Variants in ANKS1B observed in about 807,000 individuals in gnomAD.
ANKS1B encodes ankyrin repeat and sterile alpha motif domain containing 1B.
A neutral mutation model predicts 148.3 loss-of-function variants in ANKS1B; 36 were observed. The observed-to-expected ratio is 0.24, with a 90% CI of 0.19 to 0.32. ANKS1B has a LOEUF of 0.32. ANKS1B is among the 10% of genes least tolerant of loss of function. ANKS1B has a pLI of 1.00. For synonymous variants in ANKS1B, 542 were observed against 560.8 expected (o/e 0.97, Z 0.47); for missense variants, 1,157 against 1,542.6 (o/e 0.75, Z 4.19).
At chr12:99,294,863 G>A (rs890823213) in intron 12 of ANKS1B, among the ~76,000 whole-genome samples, 3 of 152,106 alleles carry the variant, frequency 2.0e-5, no homozygotes, top group African/African-American at 7.2e-5. Context: ...TTGTTGGTCA[G>A]GCTGGTCTCA....
intron 26 of ANKS1B, among the ~76,000 whole-genome samples, chr12:98,748,923 A>T (rs2097984791): frequency 6.6e-6 from 1 of 152,172 alleles, no homozygotes; most frequent in Non-Finnish European, 1.5e-5. Flanking sequence ...TCTAAGAGAT[A>T]ATCTCTAAAA....
chr12:99,929,467 AGT>A (rs1271594418), intron 1 of ANKS1B, among the ~76,000 whole-genome samples: 7 of 152,108 alleles, frequency 4.6e-5, no homozygotes, highest in Admixed American at 3.3e-4. Flanking sequence ...CTCTGATGGT[AGT>A]TTCTTTTGCT....
At chr12:99,542,069 G>A (rs1014102319) in intron 9 of ANKS1B, among the ~76,000 whole-genome samples, 1 of 152,090 alleles carries the variant, frequency 6.6e-6, no homozygotes, top group Non-Finnish European at 1.5e-5. Context: ...TCTAGTCAGG[G>A]CAATAGATAG....
At chr12:98,978,230 T>A (rs2153225275) in intron 17 of ANKS1B, among the ~76,000 whole-genome samples, 1 of 152,290 alleles carries the variant, frequency 6.6e-6, no homozygotes, top group African/African-American at 2.4e-5. Flanking sequence ...TTTATTCTTG[T>A]TTTTTTCCCT....
rs541005305 is a variant in ANKS1B, at chr12:99,850,759, T to C, written c.135-25370A>G. On this transcript the variant is annotated intron_variant, in intron 1 of 26. Transcript: ENST00000683438. ...ATGTTAATGTCAAGTTTAAGAGTGA[T>C]AGTATTTTGCTTTTGACAAAGACAT... Among the ~76,000 whole-genome samples, 17 of 152,232 alleles carry C rather than the reference T, an allele frequency of 1.1e-4. No individual in the cohort carries two copies. In the South Asian group the frequency reaches 2.5e-3, roughly 22 times the overall value.
intron 15 of ANKS1B, among the ~76,000 whole-genome samples, chr12:99,105,769 A>T (rs2059054876): frequency 3.2e-5 from 1 of 31,098 alleles, no homozygotes; most frequent in African/African-American, 6.5e-5. Context: ...ACTCTGTCTC[A>T]AAAAAAAAAA....
intron 9 of ANKS1B, among the ~76,000 whole-genome samples, chr12:99,629,714 T>C (rs951965696): frequency 6.6e-6 from 1 of 152,170 alleles, no homozygotes; most frequent in African/African-American, 2.4e-5. Context: ...GGATAACTTA[T>C]TAAAAAGGTA....
chr12:99,204,067 A>G (rs970630895), intron 14 of ANKS1B, among the ~76,000 whole-genome samples: 2 of 102,970 alleles, frequency 1.9e-5, no homozygotes, highest in Non-Finnish European at 4.9e-5. Context: ...ACATAAATCT[A>G]TTTCTGTTAG....
intron 14 of ANKS1B, among the ~76,000 whole-genome samples, chr12:99,202,446 G>T (rs1379576388): frequency 6.6e-6 from 1 of 152,174 alleles, no homozygotes; most frequent in Non-Finnish European, 1.5e-5. Context: ...AAGTATATGT[G>T]GCTGAAATGA....
chr12:99,915,703 G>T (rs1419094493), intron 1 of ANKS1B, among the ~76,000 whole-genome samples: 1 of 152,146 alleles, frequency 6.6e-6, no homozygotes, highest in Non-Finnish European at 1.5e-5. Context: ...AAAAGAGATG[G>T]GTAATGTATT....
At chr12:99,253,549 G>A (rs2074902983) in intron 12 of ANKS1B, among the ~76,000 whole-genome samples, 3 of 151,680 alleles carry the variant, frequency 2.0e-5, no homozygotes, top group Admixed American at 2.0e-4. Flanking sequence ...TTAAACGTGG[G>A]AAACAAAAAA....
chr12:99,838,296 G>C (rs925938001), intron 1 of ANKS1B, among the ~76,000 whole-genome samples: 4 of 152,046 alleles, frequency 2.6e-5, no homozygotes, highest in African/African-American at 9.7e-5. Flanking sequence ...CCCAGTCGTG[G>C]GATTCCTGGA....
chr12:99,073,770 T>C (rs1377458058), intron 16 of ANKS1B, among the ~76,000 whole-genome samples: 2 of 152,152 alleles, frequency 1.3e-5, no homozygotes, highest in African/African-American at 4.8e-5. Flanking sequence ...AGTCAATTGG[T>C]TCTTTCATTT....
intron 14 of ANKS1B, among the ~76,000 whole-genome samples, chr12:99,218,316 C>G (rs1376362398): frequency 6.6e-6 from 1 of 151,976 alleles, no homozygotes; most frequent in Non-Finnish European, 1.5e-5. Flanking sequence ...TTTTAATTTC[C>G]CTAGGTGTCT....
At chr12:99,431,499 C>A (rs1341551177) in intron 11 of ANKS1B, among the ~76,000 whole-genome samples, 1 of 152,182 alleles carries the variant, frequency 6.6e-6, no homozygotes, top group African/African-American at 2.4e-5. Context: ...TTGTGCATCA[C>A]TAGTTGTGAA....
intron 12 of ANKS1B, among the ~76,000 whole-genome samples, chr12:99,390,132 T>C (rs2094008056): frequency 2.0e-5 from 3 of 152,332 alleles, no homozygotes; most frequent in South Asian, 2.1e-4. Flanking sequence ...AATAAAAAAG[T>C]AATAATACCC....
intron 1 of ANKS1B, among the ~76,000 whole-genome samples, chr12:99,911,212 C>T (rs555201958): frequency 6.6e-6 from 1 of 152,228 alleles, no homozygotes; most frequent in African/African-American, 2.4e-5. Context: ...TCTGTAAGGG[C>T]AATTGAGTCT....
chr12:99,850,289 CTCTCTCTCTCTCT>C (rs2087542584), intron 1 of ANKS1B, among the ~76,000 whole-genome samples: 2 of 150,476 alleles, frequency 1.3e-5, no homozygotes, highest in Admixed American at 6.6e-5. Context: ...AAGTCTCTCT[CTCTCTCTCTCTCT>C]CTCTCTCTCT....
chr12:99,298,623 T>C (rs61940247), intron 12 of ANKS1B, among the ~76,000 whole-genome samples: 2 of 152,182 alleles, frequency 1.3e-5, no homozygotes, highest in Admixed American at 1.3e-4. Context: ...TTTGTATCAA[T>C]CCTATGAGGT....
Sources: allele counts gnomAD v4.1 joint callset (sites outside exome capture counted in the v4.1 genomes callset), GRCh38; gene constraint gnomAD v4.1.1; transcripts MANE v1.5; gene names NCBI Gene and HGNC (gene_info 2026-07-23, HGNC 2026-07-21).